Variants in PAH observed in about 807,000 individuals in gnomAD.
PAH encodes the protein phenylalanine-4-hydroxylase.
A neutral mutation model predicts 62.0 loss-of-function variants in PAH; 64 were observed. The ratio of observed to expected loss-of-function variants is 1.03; its 90% CI spans 0.84 to 1.27. The LOEUF (loss-of-function observed/expected upper bound fraction) is 1.27, where lower values mean the gene tolerates loss of function less well. PAH is among the 50% of genes most tolerant of loss of function. The probability of loss-of-function intolerance (pLI) is 0.00; values close to 1 mark genes in which losing one functional copy is unlikely to be tolerated. For missense variants in PAH, 579 were observed against 542.8 expected (o/e 1.07, Z -0.66); for synonymous variants, 195 against 196.2 (o/e 0.99, Z 0.05).
chr12:102,958,343 C>T lies in PAH; in HGVS notation c.-244G>A, dbSNP rs1879997481. ...TGCCGCCCGCAGCCTGTTTCTTTGCCACGGCCGCAGCCGCGGCGGCCGCAG... is the reference window on the plus strand; with the variant it reads ...TGCCGCCCGCAGCCTGTTTCTTTGCTACGGCCGCAGCCGCGGCGGCCGCAG... On this transcript the variant is annotated 5_prime_UTR_variant, in exon 1 of 5. Transcript: ENST00000551337. 8.2e-6 allele frequency: 12 copies of T among 1,456,882 alleles called. No homozygotes were observed. The East Asian group carries it at 2.1e-4, about 25-fold the overall frequency. 90.2% of individuals were successfully genotyped at this position (1,456,882 alleles called of 1,614,324 possible).
exon 1 of PAH, chr12:102,958,338 T>C (rs769387519): frequency 6.8e-7 from 1 of 1,461,456 alleles, no homozygotes; most frequent in South Asian, 1.4e-5. Flanking sequence ...AGCCTGTTTC[T>C]TTGCCACGGC....
intron 2 of PAH, 115 bp from the exon 3 acceptor site, chr12:102,895,033 A>G: frequency 1.2e-6 from 1 of 806,040 alleles, no homozygotes; most frequent in Non-Finnish European, 2.1e-6. Context: ...CAAGAATACA[A>G]TTATTTTTAT....
chr12:102,949,419 G>A (rs974315977), intron 1 of PAH, among the ~76,000 whole-genome samples: 3 of 152,176 alleles, frequency 2.0e-5, no homozygotes, highest in Non-Finnish European at 4.4e-5. Context: ...AGGATCATGT[G>A]GTCCACGCCT....
intron 3 of PAH, among the ~76,000 whole-genome samples, chr12:102,888,712 G>A (rs1877139722): frequency 6.6e-6 from 1 of 151,778 alleles, no homozygotes; most frequent in Admixed American, 6.6e-5. Flanking sequence ...CTCTCAGCTG[G>A]AGTCTGCTTG....
intron 1 of PAH, chr12:102,950,529 T>A (rs1879705628): frequency 6.6e-6 from 1 of 152,344 alleles, no homozygotes; most frequent in Admixed American, 6.5e-5. Context: ...GAGCTTGGAC[T>A]TTGGGAAGGT....
chr12:102,860,015 A>G (rs189034573), intron 5 of PAH, among the ~76,000 whole-genome samples: 5 of 152,028 alleles, frequency 3.3e-5, no homozygotes, highest in East Asian at 3.9e-4. Context: ...ACGGTATTCA[A>G]TTAGGAAAAG....
chr12:102,881,233 C>T (rs180939296), intron 3 of PAH, among the ~76,000 whole-genome samples: 6 of 151,288 alleles, frequency 4.0e-5, no homozygotes, highest in East Asian at 3.9e-4. Context: ...AGGCTGGTCT[C>T]GAACTCCTGA....
At position 102,860,980 on chromosome 12, in the gene PAH, A is replaced by G. The variant is rs556352507; in HGVS notation, c.509+5616T>C. On this transcript the variant is annotated intron_variant, in intron 5 of 12. Transcript: ENST00000553106. ...AATGGCAACAAAAGCCGAAATTGAC[A>G]AATGGGATATAATTAAACTAAAGAG... is the stretch of plus-strand genomic sequence containing the variant. 9.2e-5 allele frequency among the ~76,000 whole-genome samples: 14 copies of G among 152,368 alleles called. No individual in the cohort carries two copies. The South Asian group carries it at 2.7e-3, about 29-fold the overall frequency.
At chr12:102,855,387 G>T in intron 5 of PAH, 55 bp from the exon 6 acceptor site, 2 of 1,449,716 alleles carry the variant, frequency 1.4e-6, no homozygotes, top group South Asian at 2.3e-5. Flanking sequence ...ACAGCAGAAC[G>T]CAGGTTAGGT....
At chr12:102,910,763 C>A (rs1878173095) in intron 2 of PAH, among the ~76,000 whole-genome samples, 1 of 152,092 alleles carries the variant, frequency 6.6e-6, no homozygotes, top group Non-Finnish European at 1.5e-5. Context: ...GTAATCACAC[C>A]ATTTGCCCTC....
chr12:102,881,745 A>G (rs1170321933), intron 3 of PAH, among the ~76,000 whole-genome samples: 1 of 152,226 alleles, frequency 6.6e-6, no homozygotes, highest in Non-Finnish European at 1.5e-5. Context: ...TTCACTTGGC[A>G]TAATGCTCTT....
At chr12:102,854,834 A>C (rs2252026) in intron 6 of PAH, 170,156 of 435,882 alleles carry the variant, frequency 0.39, 35,104 homozygotes, top group Non-Finnish European at 0.44. Flanking sequence ...CAAAACAAAA[A>C]AAAACCTCAG....
chr12:102,876,429 C>T (rs550620011), intron 4 of PAH, among the ~76,000 whole-genome samples: 1 of 152,338 alleles, frequency 6.6e-6, no homozygotes, highest in Admixed American at 6.5e-5. Flanking sequence ...CCTCGGGCCT[C>T]ACTAGTTCTG....
At position 102,868,124 on chromosome 12, in the gene PAH, GTGTATATATATA is replaced by G. The variant is rs1876117075; in HGVS notation, c.442-1473_442-1462del. ...TATATACACATATATATACATATAT[GTGTATATATATA>G]TATATATATATATATATACACATAT... is the stretch of plus-strand genomic sequence containing the variant. On this transcript the variant is annotated intron_variant, in intron 4 of 12. Transcript: ENST00000553106. Among the ~76,000 whole-genome samples the G allele has an allele frequency of 5.4e-4, 2 of 3,716 alleles. 1 individual carries two copies. The highest frequency in any genetic ancestry group is 2.5e-3 in the African/African-American group (2 of 800). 2.4% of individuals were successfully genotyped at this position (3,716 alleles called of 152,430 possible). A position where few individuals can be genotyped will look rare whatever the true frequency, so the allele number is the denominator to read the frequency against.
At chr12:102,946,329 C>T (rs944751785) in intron 1 of PAH, among the ~76,000 whole-genome samples, 39 of 152,240 alleles carry the variant, frequency 2.6e-4, no homozygotes, top group Non-Finnish European at 4.8e-4. Flanking sequence ...AGCGTCAGGA[C>T]TTGCCTGGGA....
rs1270384159 is a variant in PAH, at chr12:102,957,433, T to A, written c.-96+762A>T. ...TCCGGCACGCGCCAGGCGCACGCACTGCAACAACAAACCCAGCTGAATGGA... is the reference window on the plus strand; with the variant it reads ...TCCGGCACGCGCCAGGCGCACGCACAGCAACAACAAACCCAGCTGAATGGA... On this transcript the variant is annotated intron_variant, in intron 1 of 4. Coordinates refer to the PAH transcript ENST00000551337. The surrounding 1 kb of genome is among the most constrained non-coding windows in gnomAD (Gnocchi z 4.1). 6.6e-6 allele frequency among the ~76,000 whole-genome samples: 1 copy of A among 151,220 alleles called. No individual in the cohort carries two copies. Among genetic ancestry groups the A allele is most frequent in the East Asian group, 2.0e-4 (1 of 5,108 alleles).
At chr12:102,850,537 C>T (rs1341714110) in intron 8 of PAH, among the ~76,000 whole-genome samples, 1 of 152,166 alleles carries the variant, frequency 6.6e-6, no homozygotes, top group African/African-American at 2.4e-5. Context: ...ATAGGTCATT[C>T]CATTTGATTC....
intron 1 of PAH, among the ~76,000 whole-genome samples, chr12:102,929,303 A>G (rs528607254): frequency 6.6e-6 from 1 of 152,338 alleles, no homozygotes; most frequent in East Asian, 1.9e-4. Context: ...AACAAGTGTC[A>G]TGAAGGAGAT....
rs1197206425 is a variant in PAH at position 102,838,255 on chromosome 12, T to A, written c.*920A>T. 1 of 152,206 alleles carries A rather than the reference T, an allele frequency of 6.6e-6. No homozygotes were observed. The highest frequency in any genetic ancestry group is 1.9e-4 in the East Asian group (1 of 5,200). The allele number at this position is 152,206 out of a possible 1,614,324, so 9.4% of individuals were successfully genotyped here. A position where few individuals can be genotyped will look rare whatever the true frequency, so the allele number is the denominator to read the frequency against. ...CATTTTCTCATGTTACAAAACTATC[T>A]AGCTAATGTATTTCTAAGGCAGTGA... On this transcript the variant is annotated 3_prime_UTR_variant, in exon 13 of 13. Transcript: ENST00000553106.
Sources: gnomAD v4.1 joint callset for allele counts (sites outside exome capture counted in the v4.1 genomes callset) on GRCh38, gnomAD v4.1.1 for gene constraint, Gnocchi (gnomAD v3.1) non-coding constraint, MANE v1.5 for transcripts, NCBI Gene and HGNC (gene_info 2026-07-23, HGNC 2026-07-21) for gene names.